The following CUBN variants were observed in gnomAD, a reference collection of about 807,000 sequenced individuals.
CUBN encodes cubilin.
CUBN carries 282 observed loss-of-function variants against 405.3 expected under a neutral mutation model. That is an observed-to-expected ratio of 0.70 (90% CI 0.63 to 0.77). The LOEUF is 0.77. CUBN is among the 30% of genes least tolerant of loss of function. The pLI, the probability that CUBN is intolerant of heterozygous loss-of-function variation, is 0.00. For synonymous variants in CUBN, 1,684 were observed against 1,617.0 expected (o/e 1.04, Z -0.99); for missense variants, 4,514 against 4,475.2 (o/e 1.01, Z -0.25).
intron 28 of CUBN, among the ~76,000 whole-genome samples, chr10:16,995,941 A>G (rs1032237856): frequency 2.0e-5 from 3 of 152,226 alleles, no homozygotes; most frequent in African/African-American, 7.2e-5. Context: ...GTGAGGTTCA[A>G]GAAAGCTGTG....
rs1010600916 is a variant in CUBN at position 16,987,563 on chromosome 10, A to G, written c.4350+2771T>C. On this transcript the variant is annotated intron_variant, in intron 29 of 66. Transcript: ENST00000377833. The stretch of plus-strand genomic sequence containing the variant: ...CGGACTCTGATTTTTCAAGGGAAAA[A>G]TGGCTTCTGAATAAATTTTGTGAAA... Among the ~76,000 whole-genome samples, 11 of 152,304 alleles carry G rather than the reference A, an allele frequency of 7.2e-5. 2 individuals carry two copies. The highest frequency in any genetic ancestry group is 1.5e-5 in the Non-Finnish European group (1 of 68,024).
Position 17,100,194 on chromosome 10 carries a change from T to C in CUBN, c.1576A>G (p.Asn526Asp). The C allele has an allele frequency of 1.2e-6, 2 of 1,614,048 alleles. No homozygotes were observed. The change falls in exon 14 of 67, where the codon AAC (asparagine) becomes GAC (aspartate). Residue 526 changes from asparagine (N) to aspartate (D), a missense_variant. By Grantham distance (23) the Asn-to-Asp change is conservative (BLOSUM62 1). Coordinates refer to ENST00000377833, the MANE Select transcript of CUBN (RefSeq NM_001081.4). ...ACCTGAAGAAACTCGTGTGGACAGTTGTCCATGGATTCTAACCGGAAAAAA... is the reference window on the plus strand; with the variant it reads ...ACCTGAAGAAACTCGTGTGGACAGTCGTCCATGGATTCTAACCGGAAAAAA... ...FTFFRLESMD[N>D]CPHEFLQVYD...
At chr10:17,112,533 T>C (rs1314604246) in intron 8 of CUBN, among the ~76,000 whole-genome samples, 1 of 152,170 alleles carries the variant, frequency 6.6e-6, no homozygotes, top group Non-Finnish European at 1.5e-5. Flanking sequence ...AATCTTCTAA[T>C]TTAAATAATT....
intron 9 of CUBN, 107 bp from the exon 10 acceptor site, chr10:17,109,842 A>G: frequency 1.2e-6 from 1 of 816,634 alleles, no homozygotes; most frequent in Non-Finnish European, 2.1e-6. Flanking sequence ...GGGATCCTCT[A>G]TCATCGAAAC....
intron 15 of CUBN, among the ~76,000 whole-genome samples, chr10:17,086,065 A>G (rs886242828): frequency 1.3e-5 from 2 of 151,144 alleles, no homozygotes. Context: ...TCCCAGGTTC[A>G]AGCAATTCTC....
At chr10:16,961,409 A>G (rs1009509831) in intron 31 of CUBN, among the ~76,000 whole-genome samples, 1 of 152,174 alleles carries the variant, frequency 6.6e-6, no homozygotes, top group Non-Finnish European at 1.5e-5. Flanking sequence ...GGAGATTTGC[A>G]TAAATGTCCA....
chr10:17,045,664 G>T (rs1478728517), intron 24 of CUBN, among the ~76,000 whole-genome samples: 4 of 152,070 alleles, frequency 2.6e-5, no homozygotes, highest in Admixed American at 6.6e-5. Context: ...GTGAGTACAG[G>T]AGTGAGCCAC....
chr10:17,067,999 TCC>T (rs1835650380), intron 21 of CUBN, 63 bp downstream of exon 21: 2 of 1,310,954 alleles, frequency 1.5e-6, no homozygotes, highest in East Asian at 2.3e-5. Flanking sequence ...AATTTTAAGA[TCC>T]TTCACTGAAG....
At chr10:16,901,918 T>TATAC (rs1236540013) in intron 51 of CUBN, among the ~76,000 whole-genome samples, 11 of 109,896 alleles carry the variant, frequency 1.0e-4, no homozygotes, top group African/African-American at 4.1e-4. Flanking sequence ...TATATATATA[T>TATAC]ACACACACAC....
chr10:17,018,172 A>G (rs1834390132), intron 28 of CUBN, among the ~76,000 whole-genome samples: 1 of 152,138 alleles, frequency 6.6e-6, no homozygotes, highest in South Asian at 2.1e-4. Flanking sequence ...CATGCTAGTC[A>G]CTTTTAACTG....
Position 16,841,063 on chromosome 10 carries a change from A to G in CUBN, c.9664-16T>C. On this transcript the variant is annotated splice_polypyrimidine_tract_variant and intron_variant, in intron 60 of 66. Coordinates refer to ENST00000377833, the MANE Select transcript of CUBN (RefSeq NM_001081.4). ...CATCATATAACTGAGAAGAAAAACAATTCATTACTTCTCCATTACTTACAA... is the reference window on the plus strand; with the variant it reads ...CATCATATAACTGAGAAGAAAAACAGTTCATTACTTCTCCATTACTTACAA... 6.2e-7 allele frequency: 1 copy of G among 1,613,108 alleles called. No individual in the cohort carries two copies. The highest frequency in any genetic ancestry group is 8.5e-7 in the Non-Finnish European group (1 of 1,179,280).
chr10:17,112,987 C>T (rs949522650), intron 8 of CUBN, among the ~76,000 whole-genome samples: 21 of 152,080 alleles, frequency 1.4e-4, no homozygotes, highest in Non-Finnish European at 1.9e-4. Context: ...AAAACCAGGC[C>T]GTGTGTGGTG....
At chr10:17,025,998 A>G (rs1383351269) in intron 27 of CUBN, among the ~76,000 whole-genome samples, 1 of 152,156 alleles carries the variant, frequency 6.6e-6, no homozygotes, top group Non-Finnish European at 1.5e-5. Context: ...TGGCAAGCAA[A>G]GTGGCTCTCA....
chr10:16,974,663 G>A lies in CUBN; in HGVS notation c.4695+7821C>T, dbSNP rs182627144. 4.2e-3 allele frequency among the ~76,000 whole-genome samples: 640 copies of A among 152,156 alleles called. 5 individuals carry two copies. Among genetic ancestry groups the A allele is most frequent in the African/African-American group, 0.015 (610 of 41,496 alleles). ...TGGGATTACAGGCGTGAGCCACCGCGCCCGGCCTACAGTTAACTCTTGAAC... is the reference window on the plus strand; with the variant it reads ...TGGGATTACAGGCGTGAGCCACCGCACCCGGCCTACAGTTAACTCTTGAAC... On this transcript the variant is annotated intron_variant, in intron 31 of 66. Coordinates refer to ENST00000377833, the MANE Select transcript of CUBN (RefSeq NM_001081.4).
intron 36 of CUBN, among the ~76,000 whole-genome samples, chr10:16,943,464 T>C (rs772335850): frequency 3.7e-4 from 57 of 152,240 alleles, no homozygotes; most frequent in Admixed American, 8.5e-4. Flanking sequence ...GGAATTGGTC[T>C]AAATCCATCT....
At chr10:17,046,412 G>T (rs1035089600) in intron 23 of CUBN, among the ~76,000 whole-genome samples, 2 of 152,014 alleles carry the variant, frequency 1.3e-5, no homozygotes, top group Admixed American at 1.3e-4. Flanking sequence ...GAGAAAACAC[G>T]ATAAAGAAAC....
chr10:16,927,370 T>C (rs1842222847), intron 41 of CUBN, among the ~76,000 whole-genome samples: 1 of 152,120 alleles, frequency 6.6e-6, no homozygotes. Context: ...TTAGGTCTAG[T>C]TCCAAAGCCC....
chr10:16,950,606 A>G (rs1228318197), intron 33 of CUBN, among the ~76,000 whole-genome samples: 3 of 152,242 alleles, frequency 2.0e-5, no homozygotes, highest in Admixed American at 1.3e-4. Flanking sequence ...AAGCAAGGGA[A>G]GGGGACAACT....
At chr10:16,890,036 C>A (rs117466020) in intron 55 of CUBN, among the ~76,000 whole-genome samples, 3,813 of 152,038 alleles carry the variant, frequency 0.025, 68 homozygotes, top group Non-Finnish European at 0.039. Flanking sequence ...TCAAGCCCCC[C>A]ACGGGATTTT....
Sources: allele counts gnomAD v4.1 joint callset (sites outside exome capture counted in the v4.1 genomes callset), GRCh38; gene constraint gnomAD v4.1.1; transcripts MANE v1.5; gene names NCBI Gene and HGNC (gene_info 2026-07-23, HGNC 2026-07-21).